Variants in DGKZ observed in about 807,000 individuals in gnomAD.
The protein encoded by DGKZ is DAG kinase zeta.
A neutral mutation model predicts 142.5 loss-of-function variants in DGKZ; 45 were observed. That is an observed-to-expected ratio of 0.32 (90% CI 0.25 to 0.40). DGKZ has a LOEUF of 0.40. DGKZ is among the 10% of genes least tolerant of loss of function. DGKZ has a pLI of 1.00. For synonymous variants in DGKZ, 442 were observed against 527.0 expected (o/e 0.84, Z 2.21); for missense variants, 755 against 1,306.5 (o/e 0.58, Z 6.51).
chr11:46,372,224 C>A lies in DGKZ; in HGVS notation c.927+54C>A. On this transcript the variant is annotated intron_variant, in intron 10 of 30. Coordinates refer to ENST00000527911, the Ensembl canonical transcript of DGKZ. The surrounding 1 kb of genome is among the most constrained non-coding windows in gnomAD (Gnocchi z 5.9). ...GGCTCGGGCGGGGGTTGGGGTCCAG[C>A]CCGTCTGCCAGCAGCTGTTCCCAGA... 6.0e-6 allele frequency: 9 copies of A among 1,492,278 alleles called. No individual in the cohort carries two copies. The highest frequency in any genetic ancestry group is 8.2e-6 in the Non-Finnish European group (9 of 1,100,962). The allele number at this position is 1,492,278 out of a possible 1,614,324, so 92.4% of individuals were successfully genotyped here.
At chr11:46,347,365 C>G (rs1000970868), upstream of DGKZ, 32 of 984,344 alleles carry the variant, frequency 3.3e-5, no homozygotes, top group Non-Finnish European at 3.7e-5. This position sits in a 1 kb window ranked among gnomAD's most constrained non-coding sequence, Gnocchi z 6.4. Flanking sequence ...GCAGAGGGCG[C>G]TGCGGGCCCG....
chr11:46,375,773 A>C (rs3740974), intron 20 of DGKZ, 78 bp from the exon 21 acceptor site: 265,121 of 1,522,954 alleles, frequency 0.17, 25,976 homozygotes, highest in African/African-American at 0.4. Flanking sequence ...TCTCTCGGCA[A>C]GTGGTTTGGT....
chr11:46,337,946 T>C (rs1940093030), intron 1 of DGKZ, among the ~76,000 whole-genome samples: 2 of 152,128 alleles, frequency 1.3e-5, no homozygotes, highest in African/African-American at 4.8e-5. Flanking sequence ...AAGCATTACC[T>C]GAGATGGAAA....
At chr11:46,376,045 G>A in intron 21 of DGKZ, 21 bp from the exon 22 acceptor site, 1 of 1,612,190 alleles carries the variant, frequency 6.2e-7, no homozygotes, top group Non-Finnish European at 8.5e-7. Context: ...GCCAGCTGCT[G>A]ACAGGTGCTC....
intron 1 of DGKZ, chr11:46,366,339 T>G (rs545112162): frequency 6.4e-7 from 1 of 1,557,546 alleles, no homozygotes; most frequent in African/African-American, 1.4e-5. Context: ...AGCGTGGGGC[T>G]GCCCACAGGC....
chr11:46,371,602 A>G lies in DGKZ; in HGVS notation c.758A>G (p.Gln253Arg). The G allele has an allele frequency of 4.3e-6, 7 of 1,611,734 alleles. No individual in the cohort carries two copies. The highest frequency in any genetic ancestry group is 5.9e-6 in the Non-Finnish European group (7 of 1,178,684). ...TGGATCCTCCGCGCCCGGAGGCCCCAGGTGAGTACTGCCTGCACCCTTGAT... is the reference window on the plus strand; with the variant it reads ...TGGATCCTCCGCGCCCGGAGGCCCCGGGTGAGTACTGCCTGCACCCTTGAT... Residue 253 changes from glutamine to arginine, a missense_variant and splice_region_variant, in exon 8 of 31, where the codon CAG (glutamine) becomes CGG (arginine). Gln to Arg is a conservative substitution (Grantham distance 43). This residue lies in a region of DGKZ where 142 missense variants were observed against 244.4 expected (regional missense o/e 0.58). Transcript: ENST00000527911.
chr11:46,369,422 G>A (rs1943697650), intron 4 of DGKZ, 72 bp from the exon 5 acceptor site: 1 of 1,578,210 alleles, frequency 6.3e-7, no homozygotes, highest in Admixed American at 1.7e-5. Context: ...GGGTTGTCCT[G>A]GAGGGAGTGA....
intron 9 of DGKZ, 101 bp from the exon 10 acceptor site, chr11:46,371,964 TGGTACGTGAG>T: frequency 7.9e-7 from 1 of 1,259,232 alleles, no homozygotes; most frequent in Non-Finnish European, 1.1e-6. Context: ...GGCCCAGAGA[TGGTACGTGAG>T]GGTACAAAGA....
intron 1 of DGKZ, among the ~76,000 whole-genome samples, chr11:46,339,386 G>A (rs1337266432): frequency 2.6e-5 from 4 of 152,324 alleles, no homozygotes; most frequent in African/African-American, 4.8e-5. Context: ...AGGGGACCAC[G>A]GCCAGAGGAA....
In DGKZ at chr11:46,372,931, A is replaced by G. The variant is rs1944116371; in HGVS notation, c.1186-30A>G. Reference sequence around the variant, plus strand: ...GTGCAGCTGGGGCCTCTCCAGCCACAGAGGGCTCAGTCCCTGCCTGCTCCC... The same window carrying G: ...GTGCAGCTGGGGCCTCTCCAGCCACGGAGGGCTCAGTCCCTGCCTGCTCCC... On this transcript the variant is annotated intron_variant, in intron 13 of 30. Coordinates refer to ENST00000527911, the Ensembl canonical transcript of DGKZ. This position sits in a 1 kb window ranked among gnomAD's most constrained non-coding sequence, Gnocchi z 5.9. 1 of 1,554,578 alleles carries G rather than the reference A, an allele frequency of 6.4e-7. No individual in the cohort carries two copies. Among genetic ancestry groups the G allele is most frequent in the Non-Finnish European group, 8.7e-7 (1 of 1,148,842 alleles).
upstream of DGKZ, among the ~76,000 whole-genome samples, chr11:46,343,254 T>C (rs181031941): frequency 7.2e-5 from 11 of 152,348 alleles, no homozygotes; most frequent in East Asian, 2.1e-3. Context: ...TCAGGAACTA[T>C]TAGCCATTGT....
At chr11:46,377,629 C>T (rs1003141338) in intron 25 of DGKZ, 3 of 237,820 alleles carry the variant, frequency 1.3e-5, no homozygotes, top group South Asian at 1.5e-4. Flanking sequence ...CACTCCCCAA[C>T]CTAGAAGCTT....
intron 5 of DGKZ, 40 bp from the exon 6 acceptor site, chr11:46,369,901 C>T (rs1394476682): frequency 1.2e-6 from 2 of 1,609,844 alleles, no homozygotes; most frequent in South Asian, 2.2e-5. Flanking sequence ...GTGCCCCTGC[C>T]CACCCCTCAC....
At chr11:46,375,149 C>A in intron 19 of DGKZ, 104 bp downstream of exon 19, 1 of 1,109,008 alleles carries the variant, frequency 9.0e-7, no homozygotes, top group Non-Finnish European at 1.3e-6. Flanking sequence ...TCACCCTCAC[C>A]TCCCTTCTTT....
intron 1 of DGKZ, chr11:46,364,531 C>T: frequency 1.0e-6 from 1 of 985,432 alleles, no homozygotes; most frequent in African/African-American, 1.7e-5. Flanking sequence ...TCCCTGTCAT[C>T]TGAGGCAGCT....
chr11:46,371,042 G>A (rs1439361059), intron 6 of DGKZ, among the ~76,000 whole-genome samples: 2 of 152,244 alleles, frequency 1.3e-5, no homozygotes, highest in African/African-American at 2.4e-5. Flanking sequence ...CCAAGATCAC[G>A]CCACTGCACT....
At chr11:46,354,243 G>T (rs1459361615) in intron 1 of DGKZ, among the ~76,000 whole-genome samples, 1 of 152,236 alleles carries the variant, frequency 6.6e-6, no homozygotes, top group African/African-American at 2.4e-5. Flanking sequence ...CTGGAGTGCA[G>T]TGGCACAATC....
chr11:46,352,128 C>A (rs1941462090), intron 1 of DGKZ, among the ~76,000 whole-genome samples: 1 of 152,194 alleles, frequency 6.6e-6, no homozygotes, highest in Non-Finnish European at 1.5e-5. Context: ...CGCCAGTGGC[C>A]CCCCCGGGGC....
intron 1 of DGKZ, among the ~76,000 whole-genome samples, chr11:46,335,001 A>G (rs1472037540): frequency 6.6e-6 from 1 of 152,156 alleles, no homozygotes; most frequent in East Asian, 1.9e-4. Flanking sequence ...GTTTTGCCTT[A>G]GCTGTGGGTC....
Sources: allele counts gnomAD v4.1 joint callset (sites outside exome capture counted in the v4.1 genomes callset), GRCh38; gene constraint gnomAD v4.1.1; regional missense constraint gnomAD v4.1.1; non-coding constraint Gnocchi (gnomAD v3.1); transcripts MANE v1.5; gene names NCBI Gene and HGNC (gene_info 2026-07-23, HGNC 2026-07-21).